COPS4: variants seen among roughly 807,000 people sequenced by gnomAD.
COPS4 encodes COP9 signalosome subunit 4.
In COPS4, 8 loss-of-function variants were observed where a neutral mutation model predicts 55.1. The observed-to-expected ratio is 0.15, with a 90% CI of 0.09 to 0.26. COPS4 has a LOEUF of 0.26. Among genes scored for constraint, COPS4 ranks in the 10% least tolerant of loss-of-function variants. COPS4 has a pLI of 1.00. For synonymous variants in COPS4, 185 were observed against 165.7 expected (o/e 1.12, Z -0.90); for missense variants, 248 against 484.0 (o/e 0.51, Z 4.58).
At chr4:83,060,473 T>G (rs1731137353) in intron 6 of COPS4, among the ~76,000 whole-genome samples, 1 of 151,514 alleles carries the variant, frequency 6.6e-6, no homozygotes, top group Admixed American at 6.6e-5. Flanking sequence ...GCCAGGCTAA[T>G]TTTTTGTATT....
chr4:83,041,307 C>T (rs1235449056), intron 1 of COPS4, among the ~76,000 whole-genome samples: 1 of 151,924 alleles, frequency 6.6e-6, no homozygotes, highest in Non-Finnish European at 1.5e-5. Context: ...AGGTGATCCG[C>T]CCACCTCAGC....
chr4:83,069,011 C>T (rs529942153), intron 9 of COPS4, among the ~76,000 whole-genome samples: 75 of 151,812 alleles, frequency 4.9e-4, no homozygotes, highest in African/African-American at 1.7e-3. Context: ...CTACTTACTG[C>T]AGGATTTTCT....
chr4:83,036,263 C>G (rs992883718), intron 1 of COPS4, among the ~76,000 whole-genome samples: 2 of 151,558 alleles, frequency 1.3e-5, no homozygotes, highest in South Asian at 2.1e-4. Context: ...GTGAGACCCC[C>G]CCCCCCGCCG....
Position 83,044,321 on chromosome 4 carries a change from T to G in COPS4, c.75-1305T>G, listed in dbSNP as rs563223425. Reference sequence around the variant, plus strand: ...TTAGCCGCACTTGGTGGTGCATGCCTGTAGTCCTCGCTACTCTGGAGGCTG... The same window carrying G: ...TTAGCCGCACTTGGTGGTGCATGCCGGTAGTCCTCGCTACTCTGGAGGCTG... On this transcript the variant is annotated intron_variant, in intron 1 of 9. Transcript: ENST00000264389. Among the ~76,000 whole-genome samples, 171 of 151,844 alleles carry G rather than the reference T, an allele frequency of 1.1e-3. 1 individual carries two copies. The highest frequency in any genetic ancestry group is 4.0e-3 in the African/African-American group (166 of 41,388).
chr4:83,056,855 T>C (rs1433498873), intron 4 of COPS4, 71 bp from the exon 5 acceptor site: 1 of 1,263,954 alleles, frequency 7.9e-7, no homozygotes, highest in Non-Finnish European at 1.1e-6. Context: ...AAAAACAACA[T>C]ATCTTCTATT....
chr4:83,059,915 A>G (rs1009045917), intron 6 of COPS4, among the ~76,000 whole-genome samples: 18 of 151,990 alleles, frequency 1.2e-4, no homozygotes, highest in Middle Eastern at 3.4e-3. Flanking sequence ...GTTAGCCAGG[A>G]TGGTCTCGAT....
rs200382738 is a variant in COPS4 at position 83,035,292 on chromosome 4, C to T, written c.68C>T (p.Ala23Val). The change falls in exon 1 of 10, where the codon GCT (alanine) becomes GTT (valine). Residue 23 changes from alanine (A) to valine (V), a missense_variant. Transcript: ENST00000264389. Reference protein sequence around the residue: ...MNSSGSHKDLAGKYRQILEKA... With the variant: ...MNSSGSHKDLVGKYRQILEKA... The stretch of plus-strand genomic sequence containing the variant: ...TCGAGCGGCTCTCATAAAGATCTGG[C>T]TGGCAAGTGAGTATTTCCCAGGAAC... 4 of 1,559,274 alleles carry T rather than the reference C, an allele frequency of 2.6e-6. No individual in the cohort carries two copies. In the East Asian group the frequency reaches 9.6e-5, roughly 37 times the overall value.
At chr4:83,066,686 A>G in intron 8 of COPS4, 133 bp downstream of exon 8, 1 of 552,070 alleles carries the variant, frequency 1.8e-6, no homozygotes, top group Non-Finnish European at 3.2e-6. Flanking sequence ...ACAACAACAG[A>G]ATTACACCTA....
At chr4:83,063,802 C>A (rs575588629) in intron 7 of COPS4, among the ~76,000 whole-genome samples, 8 of 148,806 alleles carry the variant, frequency 5.4e-5, no homozygotes, top group African/African-American at 1.8e-4. Context: ...CTCTGCCTCC[C>A]GGGTTCAAGT....
At chr4:83,068,294 C>T (rs1731337995) in intron 8 of COPS4, 144 bp from the exon 9 acceptor site, 4 of 597,580 alleles carry the variant, frequency 6.7e-6, no homozygotes, top group East Asian at 3.0e-5. Context: ...GCCAGATTTA[C>T]AAGATTTACT....
At chr4:83,045,734 C>T (rs770002447) in intron 2 of COPS4, 29 bp downstream of exon 2, 1 of 1,483,484 alleles carries the variant, frequency 6.7e-7, no homozygotes, top group East Asian at 2.3e-5. Flanking sequence ...TCATGCTTGC[C>T]TTGTATTACT....
At chr4:83,070,780 A>G (rs1042068476) in intron 9 of COPS4, among the ~76,000 whole-genome samples, 1 of 152,236 alleles carries the variant, frequency 6.6e-6, no homozygotes, top group Non-Finnish European at 1.5e-5. Flanking sequence ...AAATGCAAGC[A>G]TAAAAAAGAA....
chr4:83,037,894 A>G (rs1422416300), intron 1 of COPS4, among the ~76,000 whole-genome samples: 1 of 152,212 alleles, frequency 6.6e-6, no homozygotes, highest in Non-Finnish European at 1.5e-5. Flanking sequence ...TCTACTCTAA[A>G]AAGCTCATTT....
At chr4:83,050,038 C>T (rs1730851754) in intron 4 of COPS4, 54 bp downstream of exon 4, 2 of 1,057,334 alleles carry the variant, frequency 1.9e-6, no homozygotes, top group Non-Finnish European at 2.8e-6. Flanking sequence ...TATAATTGCT[C>T]ACTTATATTT....
chr4:83,042,183 T>G (rs767502569), intron 1 of COPS4, among the ~76,000 whole-genome samples: 40 of 152,208 alleles, frequency 2.6e-4, no homozygotes, highest in South Asian at 6.2e-4. Context: ...ATTTAACACT[T>G]GACATATTAA....
chr4:83,036,412 C>T (rs1291985483), intron 1 of COPS4, among the ~76,000 whole-genome samples: 1 of 152,178 alleles, frequency 6.6e-6, no homozygotes, highest in African/African-American at 2.4e-5. Context: ...GAAATTCTGA[C>T]TGTTTTAAGT....
At chr4:83,065,013 T>G in intron 7 of COPS4, 1 of 656,862 alleles carries the variant, frequency 1.5e-6, no homozygotes, top group South Asian at 1.6e-5. Flanking sequence ...CCCCAGAAGC[T>G]TAGGCATGTG....
At chr4:83,045,222 A>G (rs2126128546) in intron 1 of COPS4, among the ~76,000 whole-genome samples, 1 of 152,332 alleles carries the variant, frequency 6.6e-6, no homozygotes, top group Admixed American at 6.5e-5. Flanking sequence ...GTGTCTATGT[A>G]TTGCACAGTT....
intron 9 of COPS4, among the ~76,000 whole-genome samples, chr4:83,075,076 C>T (rs1202699589): frequency 1.3e-5 from 2 of 151,974 alleles, no homozygotes; most frequent in Non-Finnish European, 2.9e-5. Context: ...GAGATCCTGC[C>T]ACTGCAGTCT....
Sources: allele counts gnomAD v4.1 joint callset (sites outside exome capture counted in the v4.1 genomes callset), GRCh38; gene constraint gnomAD v4.1.1; transcripts MANE v1.5; gene names NCBI Gene and HGNC (gene_info 2026-07-23, HGNC 2026-07-21).